The following ZMYM2 variants were observed in gnomAD, a reference collection of about 807,000 sequenced individuals.
ZMYM2 encodes zinc finger MYM-type containing 2.
A neutral mutation model predicts 162.8 loss-of-function variants in ZMYM2; 56 were observed. That is an observed-to-expected ratio of 0.34 (90% CI 0.28 to 0.43). The LOEUF is 0.43. Among genes scored for constraint, ZMYM2 ranks in the 20% least tolerant of loss-of-function variants. The pLI is 1.00. For synonymous variants in ZMYM2, 510 were observed against 541.6 expected, an observed-to-expected ratio of 0.94 and a Z score of 0.81; for missense variants, 1,275 against 1,621.8, an observed-to-expected ratio of 0.79 and a Z score of 3.67.
chr13:20,058,234 AGT>A (rs1955957933), intron 14 of ZMYM2, among the ~76,000 whole-genome samples: 1 of 152,260 alleles, frequency 6.6e-6, no homozygotes, highest in African/African-American at 2.4e-5. Context: ...TAAATTTAAA[AGT>A]ACCCAAGTAT....
In ZMYM2 at chr13:20,087,890, C is replaced by CT. The variant is rs1958362815; in HGVS notation, c.*1876_*1877insT. On this transcript the variant is annotated 3_prime_UTR_variant, in exon 25 of 25. Coordinates refer to ENST00000610343, the MANE Select transcript of ZMYM2 (RefSeq NM_197968.4). ...CTTTTTCCAGAACTACTTCTTTAAG[C>CT]ACTTTTCCTATTAATGCCTATTGTT... 5.3e-6 allele frequency: 1 copy of CT among 189,352 alleles called. No homozygotes were observed. Among genetic ancestry groups the CT allele is most frequent in the African/African-American group, 2.3e-5 (1 of 42,976 alleles). The allele number at this position is 189,352 out of a possible 1,614,324, so 11.7% of individuals were successfully genotyped here. A position where few individuals can be genotyped will look rare whatever the true frequency, so the allele number is the denominator to read the frequency against.
chr13:19,864,936 G>C, the ZMYM2 span: 10 of 152,414 alleles, frequency 6.6e-5, no homozygotes, highest in African/African-American at 2.4e-4. Context: ...TTCCGCTTTC[G>C]TCTCGCCCTG....
intron 2 of ZMYM2, among the ~76,000 whole-genome samples, chr13:19,983,376 C>T (rs1223663500): frequency 1.3e-5 from 2 of 152,030 alleles, no homozygotes; most frequent in Non-Finnish European, 2.9e-5. Context: ...AAACTCCTGA[C>T]CTCAGATGAT....
the ZMYM2 span, among the ~76,000 whole-genome samples, chr13:19,907,621 G>A: frequency 1.3e-5 from 2 of 151,922 alleles, no homozygotes; most frequent in African/African-American, 4.8e-5. Context: ...AATTAGCCAG[G>A]TGTGGTGGCA....
chr13:19,951,982 A>G, the ZMYM2 span, among the ~76,000 whole-genome samples: 2 of 152,158 alleles, frequency 1.3e-5, no homozygotes, highest in African/African-American at 4.8e-5. Flanking sequence ...TATGGAGTAT[A>G]TGTAAGTGTC....
In ZMYM2 at chr13:20,002,986, A is replaced by C. The variant is rs745826727; in HGVS notation, c.984A>C (p.Lys328Asn). 3.7e-6 allele frequency: 6 copies of C among 1,614,062 alleles called. No homozygotes were observed. Among genetic ancestry groups the C allele is most frequent in the Non-Finnish European group, 5.1e-6 (6 of 1,180,028 alleles). Residue 328 changes from lysine (K) to asparagine (N), a missense_variant, in exon 4 of 25, where the codon AAA becomes AAC. Physicochemically the swap from Lys to Asn is moderately conservative, Grantham distance 94. Coordinates refer to ENST00000610343, the MANE Select transcript of ZMYM2 (RefSeq NM_197968.4). ...AACAGCAGCCTACTAAACCAGTTAA[A>C]GTCACTTGTGCAAACTGCAAAAAAC... Reference protein sequence around the residue: ...SVQQQPTKPVKVTCANCKKPL... With the variant: ...SVQQQPTKPVNVTCANCKKPL...
chr13:19,995,558 TA>T (rs1949956121), intron 3 of ZMYM2, among the ~76,000 whole-genome samples: 2 of 152,150 alleles, frequency 1.3e-5, no homozygotes. Flanking sequence ...TTTGTATTTT[TA>T]GTAGAGACGG....
chr13:19,911,995 G>A, the ZMYM2 span, among the ~76,000 whole-genome samples: 1 of 152,228 alleles, frequency 6.6e-6, no homozygotes, highest in African/African-American at 2.4e-5. Context: ...TGTGCCAGAA[G>A]ACAGAGGATC....
chr13:19,936,785 A>G, the ZMYM2 span, among the ~76,000 whole-genome samples: 11 of 152,160 alleles, frequency 7.2e-5, no homozygotes, highest in African/African-American at 2.7e-4. Flanking sequence ...TTAGTAGCCA[A>G]TTAGGAGAGG....
chr13:19,877,073 G>A, the ZMYM2 span, among the ~76,000 whole-genome samples: 3 of 152,092 alleles, frequency 2.0e-5, no homozygotes, highest in Admixed American at 6.6e-5. Context: ...TTAGCTGGGC[G>A]CAGTGGCGGG....
At chr13:19,918,070 A>G in the ZMYM2 span, among the ~76,000 whole-genome samples, 2 of 151,670 alleles carry the variant, frequency 1.3e-5, no homozygotes, top group South Asian at 2.1e-4. Context: ...AAACAAAAGA[A>G]AAAGAAAAAG....
At chr13:20,039,871 ATG>A (rs1954083134) in intron 12 of ZMYM2, among the ~76,000 whole-genome samples, 1 of 152,198 alleles carries the variant, frequency 6.6e-6, no homozygotes, top group Admixed American at 6.5e-5. Context: ...AGTTCTGTTT[ATG>A]TGATGAATCA....
At chr13:19,968,991 A>G (rs1346895499) in intron 2 of ZMYM2, among the ~76,000 whole-genome samples, 1 of 152,236 alleles carries the variant, frequency 6.6e-6, no homozygotes, top group African/African-American at 2.4e-5. Context: ...CACTTCTTAA[A>G]GAATATTTTG....
chr13:19,991,618 C>CTTT (rs1566236853), intron 2 of ZMYM2, among the ~76,000 whole-genome samples: 1 of 88,070 alleles, frequency 1.1e-5, no homozygotes, highest in African/African-American at 4.2e-5. Context: ...CTTTTCTTTT[C>CTTT]TTTTTCTTTT....
chr13:19,881,673 T>C, the ZMYM2 span, among the ~76,000 whole-genome samples: 1 of 150,920 alleles, frequency 6.6e-6, no homozygotes. Context: ...AGTAGGACAA[T>C]GAATATCCAA....
At chr13:19,965,234 A>G (rs1342232259) in intron 2 of ZMYM2, 1 of 1,299,452 alleles carries the variant, frequency 7.7e-7, no homozygotes, top group Admixed American at 2.3e-5. Flanking sequence ...ACATGTGTAT[A>G]TTACTCTCTG....
chr13:20,051,790 T>G (rs1484640456), intron 13 of ZMYM2, among the ~76,000 whole-genome samples, 192 bp downstream of exon 13: 1 of 152,164 alleles, frequency 6.6e-6, no homozygotes, highest in Non-Finnish European at 1.5e-5. Context: ...TTTTATTGTC[T>G]TTTTGAAATT....
At chr13:20,003,883 A>G (rs1227900438) in intron 4 of ZMYM2, among the ~76,000 whole-genome samples, 1 of 152,196 alleles carries the variant, frequency 6.6e-6, no homozygotes, top group Non-Finnish European at 1.5e-5. Flanking sequence ...TCCTGACCTC[A>G]GGTGATCTGC....
chr13:19,951,468 T>G, the ZMYM2 span, among the ~76,000 whole-genome samples: 3 of 147,044 alleles, frequency 2.0e-5, no homozygotes, highest in Non-Finnish European at 4.4e-5. Flanking sequence ...GGCAGGTGGA[T>G]TAGTTGAAGT....
Sources: allele counts gnomAD v4.1 joint callset (sites outside exome capture counted in the v4.1 genomes callset), GRCh38; gene constraint gnomAD v4.1.1; transcripts MANE v1.5; gene names NCBI Gene and HGNC (gene_info 2026-07-23, HGNC 2026-07-21).